The following RCOR1 variants were observed in gnomAD, a reference collection of about 807,000 sequenced individuals.
RCOR1 encodes the protein REST corepressor 1.
In RCOR1, 12 loss-of-function variants were observed where a neutral mutation model predicts 64.0. The observed-to-expected ratio is 0.19, with a 90% CI of 0.12 to 0.30. The LOEUF (loss-of-function observed/expected upper bound fraction) is 0.30, where lower values mean the gene tolerates loss of function less well. Ranked by LOEUF, RCOR1 falls within the 10% of genes least tolerant of loss-of-function variation. The pLI is 1.00. For synonymous variants in RCOR1, 279 were observed against 227.2 expected, an observed-to-expected ratio of 1.23 and a Z score of -2.05; for missense variants, 502 against 621.2, an observed-to-expected ratio of 0.81 and a Z score of 2.04.
chr14:102,668,649 G>C (rs1192789100), intron 2 of RCOR1, among the ~76,000 whole-genome samples: 2 of 152,020 alleles, frequency 1.3e-5, no homozygotes, highest in East Asian at 3.9e-4. Flanking sequence ...GGGGCGGGGC[G>C]GTGCTAGTGG....
At chr14:102,622,145 G>A (rs1180147241) in intron 2 of RCOR1, among the ~76,000 whole-genome samples, 1 of 151,754 alleles carries the variant, frequency 6.6e-6, no homozygotes, top group Non-Finnish European at 1.5e-5. Context: ...AACTCCAGAG[G>A]TAGGACTGGA....
Position 102,649,809 on chromosome 14 carries a change from C to T in RCOR1, c.362-32086C>T, listed in dbSNP as rs142642666. On this transcript the variant is annotated intron_variant, in intron 2 of 11. Coordinates refer to ENST00000262241, the MANE Select transcript of RCOR1 (RefSeq NM_015156.4). ...TGTTTACTGTAAAAAATCTGGTTGA[C>T]GAAATTGGCATTAGGAATGATCCTC... The T allele has an allele frequency of 3.7e-4, 366 of 982,020 alleles. 1 individual carries two copies. The African/African-American group carries it at 5.8e-3, about 15-fold the overall frequency. The allele number at this position is 982,020 out of a possible 1,614,324, so 60.8% of individuals were successfully genotyped here.
intron 2 of RCOR1, among the ~76,000 whole-genome samples, chr14:102,644,565 A>G (rs544675982): frequency 8.3e-4 from 127 of 152,146 alleles, no homozygotes; most frequent in Admixed American, 1.4e-3. Context: ...CCTTCCTGCT[A>G]TGGCATTAAC....
At chr14:102,718,611 C>T (rs1028160894) in intron 8 of RCOR1, among the ~76,000 whole-genome samples, 3 of 152,080 alleles carry the variant, frequency 2.0e-5, no homozygotes, top group South Asian at 2.1e-4. Flanking sequence ...CTAGGTAGGG[C>T]GTCAGGACAA....
chr14:102,680,187 C>T (rs1895276229), intron 2 of RCOR1, among the ~76,000 whole-genome samples: 2 of 151,060 alleles, frequency 1.3e-5, no homozygotes, highest in Admixed American at 1.3e-4. Context: ...TTTTTTATTG[C>T]TGGTATATAG....
chr14:102,634,608 G>T (rs1045572754), intron 2 of RCOR1, among the ~76,000 whole-genome samples: 1 of 151,032 alleles, frequency 6.6e-6, no homozygotes, highest in Non-Finnish European at 1.5e-5. Context: ...TTACGTGTGT[G>T]TGTGTATGTA....
In RCOR1 at chr14:102,592,884, C is replaced by G; in HGVS notation, c.-3C>G. On this transcript the variant is annotated 5_prime_UTR_variant, in exon 1 of 12. Coordinates refer to ENST00000262241, the MANE Select transcript of RCOR1 (RefSeq NM_015156.4). ...CACTTTCGCACGGCCCCGGCCCCCG[C>G]CGATGCCGGCCATGGTGGAGAAGGG... 8.2e-7 allele frequency: 1 copy of G among 1,224,250 alleles called. No individual in the cohort carries two copies. The highest frequency in any genetic ancestry group is 1.0e-6 in the Non-Finnish European group (1 of 980,028). The allele number at this position is 1,224,250 out of a possible 1,614,324, so 75.8% of individuals were successfully genotyped here. A position where few individuals can be genotyped will look rare whatever the true frequency, so the allele number is the denominator to read the frequency against.
At chr14:102,721,485 A>G in intron 10 of RCOR1, 108 bp downstream of exon 10, 1 of 722,218 alleles carries the variant, frequency 1.4e-6, no homozygotes, top group Non-Finnish European at 2.4e-6. Flanking sequence ...CAGGAGCTCA[A>G]GGCTGCATTG....
intron 2 of RCOR1, among the ~76,000 whole-genome samples, chr14:102,659,824 A>G (rs1053763000): frequency 1.3e-5 from 2 of 152,218 alleles, no homozygotes; most frequent in South Asian, 4.1e-4. Context: ...TGCAACCTGA[A>G]TAAGCCACTT....
At chr14:102,685,372 C>T (rs1447696702) in intron 3 of RCOR1, among the ~76,000 whole-genome samples, 1 of 151,294 alleles carries the variant, frequency 6.6e-6, no homozygotes, top group Non-Finnish European at 1.5e-5. Flanking sequence ...ACAAAATTAC[C>T]TGTATTACCT....
intron 2 of RCOR1, among the ~76,000 whole-genome samples, chr14:102,595,710 G>T (rs1408996882): frequency 6.6e-6 from 1 of 151,688 alleles, no homozygotes; most frequent in Non-Finnish European, 1.5e-5. Flanking sequence ...CTCCAGAGTA[G>T]CAGGGACTAC....
intron 2 of RCOR1, among the ~76,000 whole-genome samples, chr14:102,643,079 A>G (rs1894402287): frequency 6.6e-6 from 1 of 152,012 alleles, no homozygotes; most frequent in Non-Finnish European, 1.5e-5. Context: ...TCAGGAGATC[A>G]AGACCATCCT....
chr14:102,695,541 GTTGT>G (rs1242854216), intron 3 of RCOR1: 2 of 152,284 alleles, frequency 1.3e-5, no homozygotes, highest in African/African-American at 4.8e-5. Context: ...GTGCATAGAG[GTTGT>G]TTGTTTTTGT....
intron 3 of RCOR1, among the ~76,000 whole-genome samples, chr14:102,700,340 G>T (rs540659109): frequency 1.3e-5 from 2 of 152,106 alleles, no homozygotes; most frequent in Admixed American, 1.3e-4. Context: ...TCCTGCCTCA[G>T]CCTCCCAAGT....
intron 6 of RCOR1, among the ~76,000 whole-genome samples, chr14:102,708,797 ACT>A (rs1443393172): frequency 1.3e-5 from 2 of 152,150 alleles, no homozygotes; most frequent in African/African-American, 4.8e-5. Context: ...GAGTCAGTTA[ACT>A]TTGACCCATT....
At chr14:102,609,045 TTTTTA>T (rs1161504918) in intron 2 of RCOR1, among the ~76,000 whole-genome samples, 10 of 145,102 alleles carry the variant, frequency 6.9e-5, no homozygotes, top group African/African-American at 2.8e-4. Context: ...TTTTTTTTTT[TTTTTA>T]AATTTTTATT....
intron 4 of RCOR1, among the ~76,000 whole-genome samples, chr14:102,702,511 TAAAAG>T (rs1042553599): frequency 4.0e-5 from 6 of 150,678 alleles, no homozygotes; most frequent in African/African-American, 1.5e-4. Context: ...ATTTTTAAAA[TAAAAG>T]AATAACAGCA....
At chr14:102,634,183 T>C (rs1172941053) in intron 2 of RCOR1, among the ~76,000 whole-genome samples, 1 of 152,130 alleles carries the variant, frequency 6.6e-6, no homozygotes, top group African/African-American at 2.4e-5. Flanking sequence ...TTGAATGCCA[T>C]GTAATAGGCT....
At chr14:102,598,862 T>A (rs1484612265) in intron 2 of RCOR1, among the ~76,000 whole-genome samples, 2 of 152,106 alleles carry the variant, frequency 1.3e-5, no homozygotes, top group East Asian at 3.8e-4. Flanking sequence ...TTTACCAACT[T>A]TTAAAGAGTT....
Sources: allele counts gnomAD v4.1 joint callset (sites outside exome capture counted in the v4.1 genomes callset), GRCh38; gene constraint gnomAD v4.1.1; transcripts MANE v1.5; gene names NCBI Gene and HGNC (gene_info 2026-07-23, HGNC 2026-07-21).